Variants in KLHL1 observed in about 807,000 individuals in gnomAD.
KLHL1 encodes the protein kelch like family member 1, also known as kelch-like protein 1.
KLHL1 carries 47 observed loss-of-function variants against 77.7 expected under a neutral mutation model. That is an observed-to-expected ratio of 0.60 (90% CI 0.48 to 0.77). KLHL1 has a LOEUF of 0.77. Ranked by LOEUF, KLHL1 falls within the 30% of genes least tolerant of loss-of-function variation. KLHL1 has a pLI of 0.00. For synonymous variants in KLHL1, 360 were observed against 325.2 expected (o/e 1.11, Z -1.15); for missense variants, 925 against 910.8 (o/e 1.02, Z -0.20).
chr13:69,777,286 T>C (rs888770944), intron 7 of KLHL1, among the ~76,000 whole-genome samples: 32 of 152,188 alleles, frequency 2.1e-4, no homozygotes, highest in African/African-American at 6.3e-4. Context: ...TATTTCTTCA[T>C]AGCAATAAGA....
intron 8 of KLHL1, among the ~76,000 whole-genome samples, chr13:69,723,989 C>A (rs192952443): frequency 6.6e-6 from 1 of 151,898 alleles, no homozygotes; most frequent in African/African-American, 2.4e-5. Flanking sequence ...AGGTGCCCAC[C>A]ACCACGCCTG....
chr13:70,001,586 T>TCTATCTAC (rs927663555), intron 1 of KLHL1, among the ~76,000 whole-genome samples: 5 of 108,890 alleles, frequency 4.6e-5, no homozygotes, highest in Non-Finnish European at 5.8e-5. Context: ...TATGTGTCTA[T>TCTATCTAC]CTATCTATCT....
intron 9 of KLHL1, among the ~76,000 whole-genome samples, chr13:69,713,781 T>A (rs1284616906): frequency 6.6e-6 from 1 of 152,148 alleles, no homozygotes; most frequent in Non-Finnish European, 1.5e-5. Flanking sequence ...GTATAATGGT[T>A]ACCCTTAGAG....
Position 69,804,190 on chromosome 13 carries a change from C to T in KLHL1, c.1415-7228G>A, listed in dbSNP as rs183632426. Among the ~76,000 whole-genome samples, 241 of 152,138 alleles carry T rather than the reference C, an allele frequency of 1.6e-3. 2 individuals are homozygous for T. The highest frequency in any genetic ancestry group is 4.8e-3 in the African/African-American group (200 of 41,520). On this transcript the variant is annotated intron_variant, in intron 6 of 10. Coordinates refer to ENST00000377844, the MANE Select transcript of KLHL1 (RefSeq NM_020866.3). The stretch of plus-strand genomic sequence containing the variant: ...ACTACTTTCCTCATGACAAAACGAA[C>T]GGTAGACTCCTTTCTCAAAATATAA...
intron 1 of KLHL1, among the ~76,000 whole-genome samples, chr13:70,002,225 T>C (rs1207079040): frequency 2.0e-5 from 3 of 151,616 alleles, no homozygotes; most frequent in Non-Finnish European, 4.4e-5. Flanking sequence ...AATATAACAA[T>C]ATTTTTAAAT....
chr13:69,784,060 C>G (rs1372914408), intron 7 of KLHL1, among the ~76,000 whole-genome samples: 2 of 152,056 alleles, frequency 1.3e-5, no homozygotes, highest in African/African-American at 2.4e-5. Context: ...ATTTTCAACC[C>G]AGAATTTCAT....
At chr13:69,780,200 A>C (rs1391187189) in intron 7 of KLHL1, among the ~76,000 whole-genome samples, 1 of 152,174 alleles carries the variant, frequency 6.6e-6, no homozygotes, top group Non-Finnish European at 1.5e-5. Flanking sequence ...ATGTGGATAC[A>C]AGCATGCATT....
chr13:69,780,702 GTATATATATATATGTA>G (rs1566243504), intron 7 of KLHL1, among the ~76,000 whole-genome samples: 2 of 47,202 alleles, frequency 4.2e-5, no homozygotes, highest in African/African-American at 2.0e-4. Flanking sequence ...ATATATATAT[GTATATATATATATGTA>G]TATATATATA....
At chr13:69,822,458 T>A (rs1364949759) in intron 6 of KLHL1, among the ~76,000 whole-genome samples, 2 of 152,196 alleles carry the variant, frequency 1.3e-5, no homozygotes, top group African/African-American at 4.8e-5. Flanking sequence ...AGTGACATTG[T>A]CTATTAAATA....
chr13:70,051,531 G>T (rs1436175516), intron 1 of KLHL1, among the ~76,000 whole-genome samples: 1 of 152,008 alleles, frequency 6.6e-6, no homozygotes, highest in Non-Finnish European at 1.5e-5. Flanking sequence ...CCTATTAAAA[G>T]ACAAGCACTT....
At chr13:70,080,597 GTTTTA>G (rs1454382760) in intron 1 of KLHL1, among the ~76,000 whole-genome samples, 13 of 151,950 alleles carry the variant, frequency 8.6e-5, no homozygotes, top group Non-Finnish European at 1.6e-4. Flanking sequence ...ATTTTACTTT[GTTTTA>G]TTTTATCATT....
chr13:69,974,149 T>C (rs936654139), intron 2 of KLHL1, among the ~76,000 whole-genome samples: 8 of 151,936 alleles, frequency 5.3e-5, no homozygotes, highest in African/African-American at 9.7e-5. Context: ...AAAGAAAATA[T>C]AAAATTTTAT....
chr13:69,968,624 G>A (rs540279071), intron 2 of KLHL1, among the ~76,000 whole-genome samples: 1 of 151,922 alleles, frequency 6.6e-6, no homozygotes, highest in Non-Finnish European at 1.5e-5. Flanking sequence ...TTGTGTTTGT[G>A]CATATGTATG....
intron 4 of KLHL1, among the ~76,000 whole-genome samples, chr13:69,885,388 C>T (rs1274695470): frequency 6.6e-6 from 1 of 151,614 alleles, no homozygotes; most frequent in Non-Finnish European, 1.5e-5. Flanking sequence ...GGTATCAGAT[C>T]TTTCACACTT....
At chr13:70,046,240 G>C (rs559674354) in intron 1 of KLHL1, among the ~76,000 whole-genome samples, 30 of 152,268 alleles carry the variant, frequency 2.0e-4, no homozygotes, top group African/African-American at 6.3e-4. Flanking sequence ...ATGTCATAAA[G>C]AGGAAGATGG....
At chr13:70,066,175 G>T (rs1055957011) in intron 1 of KLHL1, among the ~76,000 whole-genome samples, 4 of 152,164 alleles carry the variant, frequency 2.6e-5, no homozygotes, top group Non-Finnish European at 5.9e-5. Flanking sequence ...TGTCTGCACT[G>T]TGAATTTACA....
chr13:69,797,996 T>A (rs1270221165), intron 6 of KLHL1, among the ~76,000 whole-genome samples: 1 of 152,122 alleles, frequency 6.6e-6, no homozygotes, highest in Non-Finnish European at 1.5e-5. Flanking sequence ...AAATAGAAAT[T>A]GAAAGAAGCA....
chr13:69,847,391 A>T (rs1458883807), intron 5 of KLHL1, among the ~76,000 whole-genome samples: 3 of 140,464 alleles, frequency 2.1e-5, no homozygotes, highest in African/African-American at 7.9e-5. Flanking sequence ...AAGTTAGAGT[A>T]ATACTGCATT....
chr13:69,924,706 C>T (rs932841993), intron 4 of KLHL1, among the ~76,000 whole-genome samples: 5 of 152,210 alleles, frequency 3.3e-5, no homozygotes, highest in Non-Finnish European at 5.9e-5. Flanking sequence ...TTGCTCATCA[C>T]GTTGTGTACA....
Sources: gnomAD v4.1 joint callset for allele counts (sites outside exome capture counted in the v4.1 genomes callset) on GRCh38, gnomAD v4.1.1 for gene constraint, MANE v1.5 for transcripts, NCBI Gene and HGNC (gene_info 2026-07-23, HGNC 2026-07-21) for gene names.